The following DNAH9 variants were observed in gnomAD, a reference collection of about 807,000 sequenced individuals.
DNAH9 encodes dynein axonemal heavy chain 9, also known as DNAH9 variant protein.
Under a neutral mutation model 471.6 loss-of-function variants are expected in DNAH9, and 345 were observed. The observed-to-expected ratio is 0.73, with a 90% confidence interval of 0.67 to 0.80. DNAH9 has a LOEUF of 0.80. DNAH9 is among the 30% of genes least tolerant of loss of function. The probability of loss-of-function intolerance (pLI) is 0.00; values close to 1 mark genes in which losing one functional copy is unlikely to be tolerated. For missense variants in DNAH9, 5,407 were observed against 5,609.2 expected, an observed-to-expected ratio of 0.96 and a Z score of 1.15; for synonymous variants, 2,093 against 2,123.6, an observed-to-expected ratio of 0.99 and a Z score of 0.40.
intron 28 of DNAH9, among the ~76,000 whole-genome samples, chr17:11,729,103 C>T (rs1479306716): frequency 1.3e-5 from 2 of 152,132 alleles, no homozygotes; most frequent in Admixed American, 6.5e-5. Flanking sequence ...AGGGAGATTG[C>T]CCCTCTATTT....
intron 67 of DNAH9, among the ~76,000 whole-genome samples, chr17:11,945,663 T>C (rs1345440588): frequency 1.4e-5 from 2 of 147,912 alleles, no homozygotes; most frequent in Non-Finnish European, 3.0e-5. Flanking sequence ...AGGAGGGGGG[T>C]GAGGAATGAA....
intron 6 of DNAH9, among the ~76,000 whole-genome samples, chr17:11,624,395 G>A (rs1488658270): frequency 6.6e-6 from 1 of 152,122 alleles, no homozygotes; most frequent in Admixed American, 6.5e-5. Flanking sequence ...TGTAATCCCA[G>A]CCACCCAGGA....
Position 11,902,830 on chromosome 17 carries a change from C to A in DNAH9, c.11518C>A (p.Gln3840Lys). 3 of 1,614,030 alleles carry A rather than the reference C, an allele frequency of 1.9e-6. No homozygotes were observed. Among genetic ancestry groups the A allele is most frequent in the Non-Finnish European group, 1.7e-6 (2 of 1,179,892 alleles). The change falls in exon 60 of 69, where the codon CAG becomes AAG. Residue 3840 changes from glutamine to lysine, a missense_variant. By Grantham distance (53) the Gln-to-Lys change is moderately conservative. This residue lies in a region of DNAH9 where 4,636 missense variants were observed against 4,900.3 expected (regional missense o/e 0.95). Coordinates refer to ENST00000262442, the MANE Select transcript of DNAH9 (RefSeq NM_001372.4). Reference protein sequence around the residue: ...SECPEKEKLPQEWKNKTALQR... With the variant: ...SECPEKEKLPKEWKNKTALQR... ...ATGTCCTGAGAAAGAGAAGCTCCCACAGGAGTGGAAGAACAAGACAGCCCT... is the reference window on the plus strand; with the variant it reads ...ATGTCCTGAGAAAGAGAAGCTCCCAAAGGAGTGGAAGAACAAGACAGCCCT...
chr17:11,625,334 C>T (rs917601300), intron 6 of DNAH9, among the ~76,000 whole-genome samples: 1 of 152,242 alleles, frequency 6.6e-6, no homozygotes, highest in South Asian at 2.1e-4. Context: ...ATATCCACAC[C>T]GCGTTTCCTT....
chr17:11,671,752 A>C (rs1026108014), intron 17 of DNAH9, among the ~76,000 whole-genome samples: 10 of 152,230 alleles, frequency 6.6e-5, no homozygotes, highest in Non-Finnish European at 1.2e-4. Flanking sequence ...AAAGGATCAA[A>C]AACACATGGT....
chr17:11,626,860 T>C lies in DNAH9; in HGVS notation c.1351-2557T>C, dbSNP rs997779451. ...GCTGCTTTTTTTTCTGGAAGTATTATAGGCAAGTCAAAGAACAAACAGCAT... is the reference window on the plus strand; with the variant it reads ...GCTGCTTTTTTTTCTGGAAGTATTACAGGCAAGTCAAAGAACAAACAGCAT... On this transcript the variant is annotated intron_variant, in intron 6 of 68. Coordinates refer to ENST00000262442, the MANE Select transcript of DNAH9 (RefSeq NM_001372.4). The surrounding 1 kb of genome is among the most constrained non-coding windows in gnomAD (Gnocchi z 4.3). Among the ~76,000 whole-genome samples, 1 of 152,112 alleles carries C rather than the reference T, an allele frequency of 6.6e-6. No individual in the cohort carries two copies. Among genetic ancestry groups the C allele is most frequent in the Admixed American group, 6.6e-5 (1 of 15,264 alleles).
intron 6 of DNAH9, among the ~76,000 whole-genome samples, chr17:11,621,094 G>A (rs529291777): frequency 6.6e-6 from 1 of 152,166 alleles, no homozygotes; most frequent in South Asian, 2.1e-4. Context: ...ACGGATTTGA[G>A]AAATTCAGGG....
Position 11,704,434 on chromosome 17 carries a change from G to C in DNAH9, c.5383G>C (p.Ala1795Pro), listed in dbSNP as rs201657301. ...CCGGGATGTGGTAGCCAAGATGATT[G>C]CTCAGAAGGTGGGTCCCAAACATCC... Reference protein sequence around the residue: ...HARDVVAKMIAQKVDNAQAFL... With the variant: ...HARDVVAKMIPQKVDNAQAFL... Residue 1795 changes from alanine (A) to proline (P), a missense_variant, in exon 25 of 69, where the codon GCT (alanine) becomes CCT (proline). Transcript: ENST00000262442. 1 of 1,612,822 alleles carries C rather than the reference G, an allele frequency of 6.2e-7. No individual in the cohort carries two copies. Among genetic ancestry groups the C allele is most frequent in the African/African-American group, 1.3e-5 (1 of 74,896 alleles).
chr17:11,631,369 T>C (rs972437152), intron 7 of DNAH9, among the ~76,000 whole-genome samples: 2 of 152,108 alleles, frequency 1.3e-5, no homozygotes, highest in African/African-American at 4.8e-5. Context: ...GGAATCTTAG[T>C]TGGCCAGACC....
intron 49 of DNAH9, among the ~76,000 whole-genome samples, chr17:11,841,600 G>T (rs1971035001): frequency 6.6e-6 from 1 of 152,148 alleles, no homozygotes; most frequent in African/African-American, 2.4e-5. Flanking sequence ...GGATGATTTT[G>T]AGTTCTGTCC....
chr17:11,905,695 G>A lies in DNAH9; in HGVS notation c.11635G>A (p.Val3879Met), dbSNP rs760242503. 25 of 1,613,902 alleles carry A rather than the reference G, an allele frequency of 1.5e-5. No homozygotes were observed. Among genetic ancestry groups the A allele is most frequent in the South Asian group, 2.2e-5 (2 of 91,072 alleles). The part of the protein sequence containing the change: ...FVEEKLGSKY[V>M]VGRALDFATS... Reference sequence around the variant, plus strand: ...TGAAGAGAAGTTAGGAAGCAAATACGTGGTGGGAAGAGCCCTAGATTTTGC... The same window carrying A: ...TGAAGAGAAGTTAGGAAGCAAATACATGGTGGGAAGAGCCCTAGATTTTGC... The change falls in exon 61 of 69, where the codon GTG (valine) becomes ATG (methionine). Residue 3879 changes from valine to methionine, a missense_variant. By Grantham distance (21) the Val-to-Met change is conservative. Transcript: ENST00000262442.
At position 11,769,293 on chromosome 17, in the gene DNAH9, C is replaced by T; in HGVS notation, c.7516C>T (p.Pro2506Ser). 1 of 1,613,852 alleles carries T rather than the reference C, an allele frequency of 6.2e-7. No homozygotes were observed. Among genetic ancestry groups the T allele is most frequent in the African/African-American group, 1.3e-5 (1 of 75,030 alleles). The change falls in exon 38 of 69, where the codon CCA becomes TCA. Residue 2506 changes from proline (P) to serine (S), a missense_variant. By Grantham distance (74) the Pro-to-Ser change is moderately conservative (BLOSUM62 -1). Around this residue, in one of 3 missense-constraint regions of DNAH9, gnomAD observed 4,636 missense variants for 4,900.3 expected, o/e 0.95. Transcript: ENST00000262442. Reference protein sequence around the residue: ...DPEAYLVKNVPFNYYTTSAML... With the variant: ...DPEAYLVKNVSFNYYTTSAML... Reference sequence around the variant, plus strand: ...CGAGGCATACCTGGTGAAAAACGTGCCATTCAACTACTACACCACGTCAGC... The same window carrying T: ...CGAGGCATACCTGGTGAAAAACGTGTCATTCAACTACTACACCACGTCAGC...
chr17:11,865,622 C>T (rs1455963442), intron 50 of DNAH9, among the ~76,000 whole-genome samples: 1 of 151,734 alleles, frequency 6.6e-6, no homozygotes, highest in Non-Finnish European at 1.5e-5. Context: ...TGTTTTCCAA[C>T]TTGGTTCCAT....
rs185715484 is a variant in DNAH9 at position 11,664,290 on chromosome 17, T to A, written c.2596-543T>A. 7.0e-3 allele frequency among the ~76,000 whole-genome samples: 911 copies of A among 129,516 alleles called. 7 individuals carry two copies. The highest frequency in any genetic ancestry group is 0.023 in the African/African-American group (804 of 34,668). The allele number at this position is 129,516 out of a possible 152,430, so 85.0% of individuals were successfully genotyped here. ...AAGGAGGGGAGAGAGAGAGAGAGAGTGAGAGAGAGAGAGAGAGAAACATTT... is the reference window on the plus strand; with the variant it reads ...AAGGAGGGGAGAGAGAGAGAGAGAGAGAGAGAGAGAGAGAGAGAAACATTT... On this transcript the variant is annotated intron_variant, in intron 14 of 68. Coordinates refer to ENST00000262442, the MANE Select transcript of DNAH9 (RefSeq NM_001372.4).
At chr17:11,936,149 A>G (rs1372395314) in intron 65 of DNAH9, among the ~76,000 whole-genome samples, 1 of 152,234 alleles carries the variant, frequency 6.6e-6, no homozygotes, top group Non-Finnish European at 1.5e-5. Flanking sequence ...TAGGGCATCT[A>G]CATAGAGTCC....
At chr17:11,644,721 G>A (rs562618173) in intron 11 of DNAH9, 22 bp downstream of exon 11, 5 of 1,580,192 alleles carry the variant, frequency 3.2e-6, no homozygotes, top group East Asian at 2.2e-5. Context: ...CTGGCATTGC[G>A]TGGGTCTGCA....
chr17:11,855,610 A>G (rs1004944073), intron 50 of DNAH9, among the ~76,000 whole-genome samples: 7 of 152,334 alleles, frequency 4.6e-5, no homozygotes, highest in Admixed American at 6.5e-5. Context: ...ACAACTGCCT[A>G]GGTTATAGCT....
At chr17:11,685,202 C>T (rs1217083972) in intron 19 of DNAH9, among the ~76,000 whole-genome samples, 1 of 152,072 alleles carries the variant, frequency 6.6e-6, no homozygotes, top group Non-Finnish European at 1.5e-5. Flanking sequence ...GAACATGGTG[C>T]TTATCATGGT....
At chr17:11,852,820 A>G (rs1045943010) in intron 49 of DNAH9, among the ~76,000 whole-genome samples, 13,682 of 36,182 alleles carry the variant, frequency 0.38, 1,803 homozygotes, top group Non-Finnish European at 0.42. Flanking sequence ...GTGTGTATAT[A>G]TATATATATA....
Sources: gnomAD v4.1 joint callset for allele counts (sites outside exome capture counted in the v4.1 genomes callset) on GRCh38, gnomAD v4.1.1 for gene constraint, gnomAD v4.1.1 regional missense constraint, Gnocchi (gnomAD v3.1) non-coding constraint, MANE v1.5 for transcripts, NCBI Gene and HGNC (gene_info 2026-07-23, HGNC 2026-07-21) for gene names.